Variants in ATXN1 observed in about 807,000 individuals in gnomAD.
ATXN1 encodes ataxin 1.
In ATXN1, 8 loss-of-function variants were observed where a neutral mutation model predicts 56.4. The ratio of observed to expected loss-of-function variants is 0.14; its 90% CI spans 0.08 to 0.26. The LOEUF is 0.26. ATXN1 is among the 10% of genes least tolerant of loss of function. The pLI, the probability that ATXN1 is intolerant of heterozygous loss-of-function variation, is 1.00. For synonymous variants in ATXN1, 514 were observed against 494.6 expected (o/e 1.04, Z -0.52); for missense variants, 987 against 1,106.5 (o/e 0.89, Z 1.53).
chr6:16,537,176 T>A (rs1258915109), intron 4 of ATXN1, among the ~76,000 whole-genome samples: 1 of 152,086 alleles, frequency 6.6e-6, no homozygotes, highest in Non-Finnish European at 1.5e-5. Flanking sequence ...TTCAGAGCAT[T>A]TTAAGTGTGC....
intron 3 of ATXN1, among the ~76,000 whole-genome samples, chr6:16,640,533 G>A (rs9383196): frequency 0.59 from 89,291 of 151,828 alleles, 26,237 homozygotes; most frequent in African/African-American, 0.61. Flanking sequence ...AATACAAAAA[G>A]TTAGCCGGAC....
chr6:16,408,624 G>T (rs1190737173), intron 6 of ATXN1, among the ~76,000 whole-genome samples: 1 of 152,164 alleles, frequency 6.6e-6, no homozygotes, highest in Non-Finnish European at 1.5e-5. Context: ...TAATGATAAG[G>T]AAAGTAAGGA....
intron 6 of ATXN1, among the ~76,000 whole-genome samples, chr6:16,391,721 T>C (rs921348930): frequency 4.6e-5 from 7 of 152,310 alleles, no homozygotes; most frequent in African/African-American, 1.4e-4. Flanking sequence ...AAGCAATGTG[T>C]CCTATGAACT....
At chr6:16,481,953 C>T (rs922908612) in intron 6 of ATXN1, among the ~76,000 whole-genome samples, 7 of 151,992 alleles carry the variant, frequency 4.6e-5, no homozygotes, top group Non-Finnish European at 7.4e-5. Context: ...GAAATACAGA[C>T]AGTGCAGACT....
chr6:16,723,144 C>A (rs528407393), intron 2 of ATXN1, among the ~76,000 whole-genome samples: 63 of 152,240 alleles, frequency 4.1e-4, no homozygotes, highest in Non-Finnish European at 7.4e-4. Context: ...AAGTCACTGC[C>A]GTGATTTATA....
intron 4 of ATXN1, among the ~76,000 whole-genome samples, chr6:16,531,705 A>G (rs1204870372): frequency 6.6e-6 from 1 of 152,140 alleles, no homozygotes; most frequent in Non-Finnish European, 1.5e-5. Flanking sequence ...TGCTAAGGAC[A>G]TGAAAGCCAT....
Position 16,335,610 on chromosome 6 carries a change from G to A in ATXN1, c.-160-7140C>T, listed in dbSNP as rs779643384. ...AATAAGGAAGGACAGTGGGTTGAAT[G>A]GTAGATCCCTAAAAGTTATGCCCAC... On this transcript the variant is annotated intron_variant, in intron 6 of 7. Coordinates refer to ENST00000436367, the MANE Select transcript of ATXN1 (RefSeq NM_001128164.2). 1.3e-4 allele frequency among the ~76,000 whole-genome samples: 20 copies of A among 152,176 alleles called. 1 individual carries two copies. Among genetic ancestry groups the A allele is most frequent in the Non-Finnish European group, 2.6e-4 (18 of 68,036 alleles).
Position 16,328,254 on chromosome 6 carries a change from G to T in ATXN1, c.57C>A (p.Ile19=). Residue 19 remains isoleucine, a synonymous_variant, in exon 7 of 8, where the codon ATC becomes ATA. Coordinates refer to ENST00000436367, the MANE Select transcript of ATXN1 (RefSeq NM_001128164.2). The surrounding 1 kb of genome is among the most constrained non-coding windows in gnomAD (Gnocchi z 6.2). ...CCTCGGAGGACCGGCTGGTGGCGGGGATCTCGCGCTTCTTGGGAGGCAGGC... is the reference window on the plus strand; with the variant it reads ...CCTCGGAGGACCGGCTGGTGGCGGGTATCTCGCGCTTCTTGGGAGGCAGGC... ...NECLPPKKRE[I]PATSRSSEEK... The T allele has an allele frequency of 6.5e-7, 1 of 1,537,600 alleles. No homozygotes were observed.
At chr6:16,665,243 C>CT (rs1258468900) in intron 2 of ATXN1, among the ~76,000 whole-genome samples, 1 of 152,196 alleles carries the variant, frequency 6.6e-6, no homozygotes, top group Non-Finnish European at 1.5e-5. Flanking sequence ...GAAATAAACT[C>CT]TAAGTATTCT....
intron 3 of ATXN1, among the ~76,000 whole-genome samples, chr6:16,624,117 G>A (rs573896240): frequency 4.8e-4 from 73 of 152,256 alleles, no homozygotes; most frequent in Non-Finnish European, 7.6e-4. Context: ...TTGGGAGGCC[G>A]AGGTGGGCAG....
At chr6:16,426,293 T>C (rs1759153205) in intron 6 of ATXN1, among the ~76,000 whole-genome samples, 1 of 151,720 alleles carries the variant, frequency 6.6e-6, no homozygotes, top group Non-Finnish European at 1.5e-5. Flanking sequence ...GGGGCACTTG[T>C]GGGAAGGTGC....
Position 16,326,440 on chromosome 6 carries a change from G to C in ATXN1, c.1871C>G (p.Pro624Arg). ...TVERIEDSHS[P>R]GVAVIQFAVG... The stretch of plus-strand genomic sequence containing the variant: ...GGCGAACTGTATCACGGCCACGCCC[G>C]GGCTATGGCTGTCTTCAATCCTCTC... Residue 624 changes from proline to arginine, a missense_variant, in exon 7 of 8, where the codon CCG becomes CGG. This residue lies in a region of ATXN1 where 68 missense variants were observed against 118.1 expected (regional missense o/e 0.58). Coordinates refer to ENST00000436367, the MANE Select transcript of ATXN1 (RefSeq NM_001128164.2). This position sits in a 1 kb window ranked among gnomAD's most constrained non-coding sequence, Gnocchi z 6.6. 1 of 1,614,076 alleles carries C rather than the reference G, an allele frequency of 6.2e-7. No homozygotes were observed. Among genetic ancestry groups the C allele is most frequent in the South Asian group, 1.1e-5 (1 of 91,072 alleles).
Position 16,328,210 on chromosome 6 carries a change from G to A in ATXN1, c.101C>T (p.Pro34Leu). The A allele has an allele frequency of 6.3e-7, 1 of 1,597,326 alleles. No homozygotes were observed. Among genetic ancestry groups the A allele is most frequent in the Non-Finnish European group, 8.5e-7 (1 of 1,169,734 alleles). ...GCCCTCCACCCGGTGGTTGTCGCTG[G>A]GCAGGGTAGGGGCCTTCTCCTCGGA... ...RSSEEKAPTL[P>L]SDNHRVEGTA... is the part of the protein sequence containing the mutation. The change falls in exon 7 of 8, where the codon CCC becomes CTC. Residue 34 changes from proline (P) to leucine (L), a missense_variant. By Grantham distance (98) the Pro-to-Leu change is moderately conservative. This residue lies in a region of ATXN1 where 723 missense variants were observed against 791.7 expected (regional missense o/e 0.91). Coordinates refer to ENST00000436367, the MANE Select transcript of ATXN1 (RefSeq NM_001128164.2). The surrounding 1 kb of genome is among the most constrained non-coding windows in gnomAD (Gnocchi z 6.2).
rs1760227182 is a variant in ATXN1, at chr6:16,305,680, T to C, written c.*649A>G. ...CAGGCCCCATAGGGGGAAATATATA[T>C]CTATACAATTAAAAGTTGCTTTTAT... On this transcript the variant is annotated 3_prime_UTR_variant, in exon 8 of 8. Transcript: ENST00000436367. 6.5e-6 allele frequency: 1 copy of C among 152,776 alleles called. No individual in the cohort carries two copies. The highest frequency in any genetic ancestry group is 6.5e-5 in the Admixed American group (1 of 15,294). The allele number at this position is 152,776 out of a possible 1,614,324, so 9.5% of individuals were successfully genotyped here. A position where few individuals can be genotyped will look rare whatever the true frequency, so the allele number is the denominator to read the frequency against.
Position 16,386,367 on chromosome 6 carries a change from G to C in ATXN1, c.-160-57897C>G, listed in dbSNP as rs189119810. 2.6e-5 allele frequency among the ~76,000 whole-genome samples: 4 copies of C among 152,252 alleles called. No homozygotes were observed. The East Asian group carries it at 7.7e-4, about 29-fold the overall frequency. ...CAGCGCGTTAACCATAAAAAAATGG[G>C]GAGTTCAGGACTGGAGGGGGCTGAG... On this transcript the variant is annotated intron_variant, in intron 6 of 7. Transcript: ENST00000436367.
intron 4 of ATXN1, among the ~76,000 whole-genome samples, chr6:16,559,126 T>G (rs1175697608): frequency 3.3e-5 from 5 of 152,194 alleles, no homozygotes; most frequent in African/African-American, 1.2e-4. Context: ...TCGTGAAGTT[T>G]AAAAACATCG....
At chr6:16,484,585 G>A (rs1760503429) in intron 6 of ATXN1, among the ~76,000 whole-genome samples, 1 of 152,172 alleles carries the variant, frequency 6.6e-6, no homozygotes, top group Non-Finnish European at 1.5e-5. Flanking sequence ...ATTCCAGGCT[G>A]ACTGATTTCC....
At position 16,760,316 on chromosome 6, in the gene ATXN1, C is replaced by T. The variant is rs75271067; in HGVS notation, c.-730+982G>A. On this transcript the variant is annotated intron_variant, in intron 1 of 7. Transcript: ENST00000436367. The surrounding 1 kb of genome is among the most constrained non-coding windows in gnomAD (Gnocchi z 5.3). ...CAGCAGCCGCGCAGCCGTTCACTCC[C>T]GGCTCAGGGCAGCGCCTGCCGCGGC... is the stretch of plus-strand genomic sequence containing the variant. Among the ~76,000 whole-genome samples, 2,103 of 152,048 alleles carry T rather than the reference C, an allele frequency of 0.014. 48 individuals are homozygous for T. The highest frequency in any genetic ancestry group is 0.048 in the African/African-American group (1,979 of 41,536).
intron 3 of ATXN1, among the ~76,000 whole-genome samples, chr6:16,617,709 G>C (rs1763240351): frequency 6.9e-6 from 1 of 145,292 alleles, no homozygotes; most frequent in Non-Finnish European, 1.5e-5. Flanking sequence ...GGAGCTTGCA[G>C]TGAGCCGAGA....
Sources: gnomAD v4.1 joint callset for allele counts (sites outside exome capture counted in the v4.1 genomes callset) on GRCh38, gnomAD v4.1.1 for gene constraint, gnomAD v4.1.1 regional missense constraint, Gnocchi (gnomAD v3.1) non-coding constraint, MANE v1.5 for transcripts, NCBI Gene and HGNC (gene_info 2026-07-23, HGNC 2026-07-21) for gene names.